The following LRRC56 variants were observed in gnomAD, a reference collection of about 807,000 sequenced individuals.
LRRC56 encodes the protein leucine-rich repeat-containing protein 56.
A neutral mutation model predicts 47.8 loss-of-function variants in LRRC56; 41 were observed. That is an observed-to-expected ratio of 0.86 (90% CI 0.67 to 1.11). The LOEUF is 1.11. Among genes scored for constraint, LRRC56 ranks in the 50% most tolerant of loss-of-function variants. The pLI, the probability that LRRC56 is intolerant of heterozygous loss-of-function variation, is 0.00. For synonymous variants in LRRC56, 387 were observed against 311.2 expected (o/e 1.24, Z -2.56); for missense variants, 759 against 704.2 (o/e 1.08, Z -0.88).
At chr11:533,369 G>T (rs727504926), upstream of LRRC56, 19 of 1,607,860 alleles carry the variant, frequency 1.2e-5, no homozygotes, top group Middle Eastern at 1.7e-4. Flanking sequence ...CTGTGTCAAG[G>T]GAGAGGGTCA....
At chr11:547,898 C>T (rs902832062) in intron 6 of LRRC56, among the ~76,000 whole-genome samples, 4 of 151,874 alleles carry the variant, frequency 2.6e-5, no homozygotes, top group Admixed American at 6.6e-5. Flanking sequence ...GAGGCCAAGG[C>T]GAGTGGAACA....
At position 554,047 on chromosome 11, in the gene LRRC56, G is replaced by C. The variant is rs12793222; in HGVS notation, c.1400G>C (p.Arg467Pro). The C allele has an allele frequency of 4.3e-6, 7 of 1,611,488 alleles. No homozygotes were observed. The Admixed American group carries it at 5.0e-5, about 12-fold the overall frequency. Residue 467 changes from arginine (R) to proline (P), a missense_variant, in exon 14 of 14, where the codon CGG becomes CCG. Arg to Pro is a moderately radical substitution (Grantham distance 103). Transcript: ENST00000270115. ...RPRDSGSSSP[R>P]WSTDLQSRGR... Reference sequence around the variant, plus strand: ...CGAGATTCTGGCAGCAGCTCCCCGCGGTGGTCGACAGACCTGCAGTCCAGG... The same window carrying C: ...CGAGATTCTGGCAGCAGCTCCCCGCCGTGGTCGACAGACCTGCAGTCCAGG...
chr11:534,074 T>G, upstream of LRRC56: 1 of 1,180,608 alleles, frequency 8.5e-7, no homozygotes, highest in Non-Finnish European at 1.2e-6. Flanking sequence ...GACGAGGGAC[T>G]CCCCTCCTCT....
intron 5 of LRRC56, among the ~76,000 whole-genome samples, chr11:542,589 A>G (rs1004692258): frequency 1.3e-5 from 2 of 148,512 alleles, no homozygotes; most frequent in African/African-American, 5.0e-5. Flanking sequence ...GCAAAAAAAA[A>G]AAAAAAAAAA....
In LRRC56 at chr11:551,229, C is replaced by T. The variant is rs201646765; in HGVS notation, c.723C>T (p.Ala241=). 1,388 of 1,547,050 alleles carry T rather than the reference C, an allele frequency of 9.0e-4. 15 individuals are homozygous for T. In the East Asian group the frequency reaches 0.026, roughly 29 times the overall value. ...CGGCCGCACACACAGGCCCACCGGC[C>T]CCCCCGCGGCTGAGCCAGGACTGGC... ...EVPAAHTGPP[A]PPRLSQDWLA... The change falls in exon 9 of 14, where the codon GCC becomes GCT. Residue 241 remains alanine (A), a synonymous_variant. Transcript: ENST00000270115.
At chr11:526,707 T>C in the LRRC56 span, among the ~76,000 whole-genome samples, 14,528 of 147,964 alleles carry the variant, frequency 0.098, 937 homozygotes, top group Admixed American at 0.19. Context: ...GAGGCCCAGG[T>C]GGGTGGATCA....
chr11:548,830 G>A (rs1435208951), intron 6 of LRRC56, among the ~76,000 whole-genome samples: 1 of 152,182 alleles, frequency 6.6e-6, no homozygotes, highest in East Asian at 1.9e-4. Context: ...TGGAACGAAA[G>A]GCTTTGCAGC....
the LRRC56 span, among the ~76,000 whole-genome samples, chr11:509,947 C>A: frequency 6.6e-6 from 1 of 151,622 alleles, no homozygotes; most frequent in Non-Finnish European, 1.5e-5. Flanking sequence ...GTATTCCCAC[C>A]CCCAGTTTTA....
Position 552,679 on chromosome 11 carries a change from C to T in LRRC56, c.1292C>T (p.Ser431Phe). The change falls in exon 13 of 14, where the codon TCC (serine) becomes TTC (phenylalanine). Residue 431 changes from serine (S) to phenylalanine (F), a missense_variant. Coordinates refer to ENST00000270115, the MANE Select transcript of LRRC56 (RefSeq NM_198075.4). ...QVHQAEPKTPSSPPSLASEPS... is the reference protein window; with the variant it reads ...QVHQAEPKTPFSPPSLASEPS... ...CACCAGGCAGAGCCCAAGACTCCCT[C>T]CAGCCCCCCAAGCCTGGCCTCAGGT... is the stretch of plus-strand genomic sequence containing the variant. 6.2e-7 allele frequency: 1 copy of T among 1,609,246 alleles called. No homozygotes were observed.
chr11:535,089 G>A (rs2133999860), upstream of LRRC56, among the ~76,000 whole-genome samples: 1 of 152,110 alleles, frequency 6.6e-6, no homozygotes, highest in Non-Finnish European at 1.5e-5. Flanking sequence ...CGTGGCCGCG[G>A]CCGCCTCCTC....
intron 5 of LRRC56, among the ~76,000 whole-genome samples, chr11:544,453 G>A (rs561017005): frequency 1.2e-4 from 18 of 152,320 alleles, no homozygotes; most frequent in African/African-American, 3.8e-4. Context: ...GCGCGGAGCC[G>A]TGAGGCTTTG....
chr11:517,771 T>C, the LRRC56 span, among the ~76,000 whole-genome samples: 5 of 152,168 alleles, frequency 3.3e-5, no homozygotes, highest in African/African-American at 1.2e-4. Flanking sequence ...AGATTGTTAC[T>C]GTGTCTGTGT....
At position 552,161 on chromosome 11, in the gene LRRC56, G is replaced by A. The variant is rs748115238; in HGVS notation, c.1110G>A (p.Glu370=). 1.9e-6 allele frequency: 3 copies of A among 1,612,676 alleles called. No homozygotes were observed. The highest frequency in any genetic ancestry group is 2.5e-6 in the Non-Finnish European group (3 of 1,179,896). ...CGGCCGCCAGCACTTCCACCCCAGAGCCTGACCCTGCAGACAGCTCTGACT... is the reference window on the plus strand; with the variant it reads ...CGGCCGCCAGCACTTCCACCCCAGAACCTGACCCTGCAGACAGCTCTGACT... ...GDPAASTSTP[E]PDPADSSDFL... Residue 370 remains glutamate, a synonymous_variant, in exon 12 of 14, where the codon GAG becomes GAA. Coordinates refer to ENST00000270115, the MANE Select transcript of LRRC56 (RefSeq NM_198075.4).
chr11:551,925 G>C lies in LRRC56; in HGVS notation c.996G>C (p.Gly332=), dbSNP rs775351902. Residue 332 remains glycine (G), a synonymous_variant, in exon 11 of 14, where the codon GGG becomes GGC. Coordinates refer to ENST00000270115, the MANE Select transcript of LRRC56 (RefSeq NM_198075.4). ...LTHGAGQVLC[G]NPTKGLRERR... ...CAGGTGCTGGCCAAGTCCTCTGTGG[G>C]AACCCCACCAAGGGCCTGCGGGAGC... 1.2e-6 allele frequency: 2 copies of C among 1,612,630 alleles called. No individual in the cohort carries two copies. Among genetic ancestry groups the C allele is most frequent in the South Asian group, 2.2e-5 (2 of 91,084 alleles).
the LRRC56 span, among the ~76,000 whole-genome samples, chr11:527,054 C>T: frequency 2.0e-5 from 3 of 152,170 alleles, no homozygotes; most frequent in Non-Finnish European, 4.4e-5. Flanking sequence ...GTAATCCCAG[C>T]ACTTTGGGAG....
upstream of LRRC56, chr11:534,492 G>A (rs2133996446): frequency 1.6e-6 from 1 of 622,810 alleles, no homozygotes. Context: ...CCCAACGCCA[G>A]GCAGCAAGGA....
In LRRC56 at chr11:540,710, G is replaced by T. The variant is rs778566046; in HGVS notation, c.26G>T (p.Arg9Leu). MDLGWDRSRGPRRSTSSVR... is the reference protein window; with the variant it reads MDLGWDRSLGPRRSTSSVR... The stretch of plus-strand genomic sequence containing the variant: ...ATGGATCTGGGCTGGGACAGATCCC[G>T]TGGGCCTCGGCGGAGCACCTCCAGC... Residue 9 changes from arginine (R) to leucine (L), a missense_variant, in exon 4 of 14, where the codon CGT (arginine) becomes CTT (leucine). By Grantham distance (102) the Arg-to-Leu change is moderately radical. Coordinates refer to ENST00000270115, the MANE Select transcript of LRRC56 (RefSeq NM_198075.4). 1.9e-6 allele frequency: 3 copies of T among 1,612,700 alleles called. No individual in the cohort carries two copies. The highest frequency in any genetic ancestry group is 2.5e-6 in the Non-Finnish European group (3 of 1,179,852).
rs1852660499 is a variant in LRRC56, at chr11:554,641, G to A, written c.*365G>A. On this transcript the variant is annotated 3_prime_UTR_variant, in exon 14 of 14. Transcript: ENST00000270115. ...CGAGGGGCAGGGGCTGGAGCTGCGA[G>A]TCCACCACTCCCTTGCCGGCCCCAG... The A allele has an allele frequency of 2.5e-6, 1 of 402,152 alleles. No individual in the cohort carries two copies. Among genetic ancestry groups the A allele is most frequent in the African/African-American group, 2.1e-5 (1 of 47,862 alleles). The allele number at this position is 402,152 out of a possible 1,614,324, so 24.9% of individuals were successfully genotyped here. A position where few individuals can be genotyped will look rare whatever the true frequency, so the allele number is the denominator to read the frequency against.
the LRRC56 span, among the ~76,000 whole-genome samples, chr11:526,602 C>G: frequency 3.0e-4 from 45 of 152,166 alleles, 1 homozygote; most frequent in Admixed American, 1.9e-3. Context: ...ACTAAATATT[C>G]TTTAGCAGGT....
Sources: allele counts gnomAD v4.1 joint callset (sites outside exome capture counted in the v4.1 genomes callset), GRCh38; gene constraint gnomAD v4.1.1; transcripts MANE v1.5; gene names NCBI Gene and HGNC (gene_info 2026-07-23, HGNC 2026-07-21).